SLC25A21: variants seen among roughly 807,000 people sequenced by gnomAD.
SLC25A21 encodes the protein solute carrier family 25 member 21.
SLC25A21 carries 47 observed loss-of-function variants against 43.8 expected under a neutral mutation model. That is an observed-to-expected ratio of 1.07 (90% CI 0.85 to 1.37). The LOEUF (loss-of-function observed/expected upper bound fraction) is 1.37, where lower values mean the gene tolerates loss of function less well. Among genes scored for constraint, SLC25A21 ranks in the 40% most tolerant of loss-of-function variants. SLC25A21 has a pLI of 0.00. For missense variants in SLC25A21, 352 were observed against 350.2 expected, an observed-to-expected ratio of 1.00 and a Z score of -0.04; for synonymous variants, 131 against 121.3, an observed-to-expected ratio of 1.08 and a Z score of -0.52.
At chr14:37,138,672 G>T in intron 1 of SLC25A21, among the ~76,000 whole-genome samples, 1 of 151,742 alleles carries the variant, frequency 6.6e-6, no homozygotes, top group South Asian at 2.1e-4. Context: ...ACCTCCAACT[G>T]CTAATTTTCC....
chr14:36,853,896 AT>A (rs1262846894), intron 2 of SLC25A21, among the ~76,000 whole-genome samples: 1 of 152,150 alleles, frequency 6.6e-6, no homozygotes, highest in Admixed American at 6.6e-5. Context: ...CTAGTCTCTT[AT>A]TTTTCCCCCT....
intron 3 of SLC25A21, among the ~76,000 whole-genome samples, chr14:36,740,662 A>G (rs2139239476): frequency 6.9e-6 from 1 of 144,600 alleles, no homozygotes; most frequent in Admixed American, 7.4e-5. Flanking sequence ...GCTATCTAAC[A>G]TATGGGTGGC....
intron 1 of SLC25A21, among the ~76,000 whole-genome samples, chr14:36,998,340 C>CCAAT (rs1347718775): frequency 1.3e-5 from 2 of 152,082 alleles, no homozygotes; most frequent in Non-Finnish European, 2.9e-5. Context: ...AAATACTGCA[C>CCAAT]CAATGTGTGT....
chr14:36,964,624 G>A (rs1959571448), intron 1 of SLC25A21, among the ~76,000 whole-genome samples: 1 of 152,146 alleles, frequency 6.6e-6, no homozygotes. Context: ...GCAATAAAAG[G>A]ACAAAGTAAT....
In SLC25A21 at chr14:36,880,805, C is replaced by A. The variant is rs907922825; in HGVS notation, c.71-5801G>T. On this transcript the variant is annotated intron_variant, in intron 1 of 9. Coordinates refer to ENST00000331299, the MANE Select transcript of SLC25A21 (RefSeq NM_030631.4). ...AATACAGAAGTATGATATTGTTAAT[C>A]ACATATCCTGCTGTGTAAATGTTGG... Among the ~76,000 whole-genome samples, 6 of 152,266 alleles carry A rather than the reference C, an allele frequency of 3.9e-5. No homozygotes were observed. In the East Asian group the frequency reaches 1.2e-3, roughly 29 times the overall value.
At chr14:37,090,424 A>G (rs1962563093) in intron 1 of SLC25A21, among the ~76,000 whole-genome samples, 1 of 152,204 alleles carries the variant, frequency 6.6e-6, no homozygotes, top group Non-Finnish European at 1.5e-5. Flanking sequence ...AACGCTGGTG[A>G]TATGCTGTTG....
At position 36,678,869 on chromosome 14, in the gene SLC25A21, G is replaced by T; in HGVS notation, c.*1789C>A. On this transcript the variant is annotated 3_prime_UTR_variant, in exon 10 of 10. Transcript: ENST00000331299. ...TTTTAAAAGATATCAGATACAATTT[G>T]CTATTCAAAGAAAATTATGATTTAA... The T allele has an allele frequency of 1.0e-6, 1 of 969,668 alleles. No homozygotes were observed. The highest frequency in any genetic ancestry group is 1.2e-6 in the Non-Finnish European group (1 of 813,664). 60.1% of individuals were successfully genotyped at this position (969,668 alleles called of 1,614,324 possible).
At chr14:37,046,488 G>C (rs1961589453) in intron 1 of SLC25A21, among the ~76,000 whole-genome samples, 1 of 152,060 alleles carries the variant, frequency 6.6e-6, no homozygotes, top group African/African-American at 2.4e-5. Context: ...CAATATATAT[G>C]TATTTAGAAT....
intron 1 of SLC25A21, among the ~76,000 whole-genome samples, chr14:37,008,823 G>A (rs980919554): frequency 2.6e-5 from 4 of 152,164 alleles, no homozygotes; most frequent in East Asian, 3.9e-4. Flanking sequence ...AGGATGATGT[G>A]CAACAAAAAA....
chr14:36,875,167 T>C (rs1890484155), intron 1 of SLC25A21, among the ~76,000 whole-genome samples, 163 bp from the exon 2 acceptor site: 1 of 152,202 alleles, frequency 6.6e-6, no homozygotes, highest in Non-Finnish European at 1.5e-5. Context: ...AGAAGCATAA[T>C]ATGATTTTAT....
chr14:36,823,020 T>C (rs1298032313), intron 2 of SLC25A21, among the ~76,000 whole-genome samples: 1 of 152,198 alleles, frequency 6.6e-6, no homozygotes, highest in African/African-American at 2.4e-5. Flanking sequence ...ATTTCTAGTA[T>C]TTAGAATCTA....
chr14:37,106,923 T>C (rs900651560), intron 1 of SLC25A21, among the ~76,000 whole-genome samples: 1 of 152,196 alleles, frequency 6.6e-6, no homozygotes, highest in Non-Finnish European at 1.5e-5. Context: ...GTTGAAATAT[T>C]GGGGGCGGGT....
intron 4 of SLC25A21, among the ~76,000 whole-genome samples, chr14:36,731,102 A>G (rs1049848390): frequency 6.6e-6 from 1 of 151,528 alleles, no homozygotes; most frequent in Non-Finnish European, 1.5e-5. Flanking sequence ...CCTCCCGAGT[A>G]GCTGGGACTA....
At chr14:36,902,335 T>G (rs1002722515) in intron 1 of SLC25A21, among the ~76,000 whole-genome samples, 6 of 152,146 alleles carry the variant, frequency 3.9e-5, no homozygotes, top group Non-Finnish European at 8.8e-5. Flanking sequence ...TCCCAGTGAT[T>G]ACACAGGTAG....
At chr14:36,899,448 G>A (rs1299758145) in intron 1 of SLC25A21, among the ~76,000 whole-genome samples, 5 of 152,262 alleles carry the variant, frequency 3.3e-5, no homozygotes, top group East Asian at 3.9e-4. Context: ...CACCGTCTCC[G>A]AACTAAATTC....
chr14:36,885,472 G>T (rs1334912351), intron 1 of SLC25A21, among the ~76,000 whole-genome samples: 1 of 152,092 alleles, frequency 6.6e-6, no homozygotes. Context: ...ACAAAGTTTA[G>T]AATTATTTTT....
At chr14:36,994,154 G>A (rs1379156804) in intron 1 of SLC25A21, among the ~76,000 whole-genome samples, 1 of 152,088 alleles carries the variant, frequency 6.6e-6, no homozygotes, top group Non-Finnish European at 1.5e-5. Context: ...AGCCTAACTG[G>A]CCAGCCATTA....
At position 36,903,938 on chromosome 14, in the gene SLC25A21, C is replaced by CT. The variant is rs920044710; in HGVS notation, c.71-28935dup. ...ATATGCAAGAAAGTGTCACTCTTGC[C>CT]TTTTTTTGTTCTTAGAAAGTTCTTT... On this transcript the variant is annotated intron_variant, in intron 1 of 9. Transcript: ENST00000331299. Among the ~76,000 whole-genome samples, 12 of 152,232 alleles carry CT rather than the reference C, an allele frequency of 7.9e-5. No homozygotes were observed. The East Asian group carries it at 9.7e-4, about 12-fold the overall frequency.
chr14:36,886,570 G>A (rs908141094), intron 1 of SLC25A21, among the ~76,000 whole-genome samples: 11 of 152,130 alleles, frequency 7.2e-5, no homozygotes, highest in Non-Finnish European at 1.5e-4. Flanking sequence ...ATATATTTCA[G>A]AGGTATAAAC....
Sources: gnomAD v4.1 joint callset for allele counts (sites outside exome capture counted in the v4.1 genomes callset) on GRCh38, gnomAD v4.1.1 for gene constraint, MANE v1.5 for transcripts, NCBI Gene and HGNC (gene_info 2026-07-23, HGNC 2026-07-21) for gene names.